Variants in FGF12 observed in about 807,000 individuals in gnomAD.
FGF12 encodes the protein fibroblast growth factor 12.
Under a neutral mutation model 23.6 loss-of-function variants are expected in FGF12, and 14 were observed. The observed-to-expected ratio is 0.59, with a 90% CI of 0.39 to 0.93. The LOEUF (loss-of-function observed/expected upper bound fraction) is 0.93. Ranked by LOEUF, FGF12 falls within the 40% of genes least tolerant of loss-of-function variation. The pLI is 0.00. For missense variants in FGF12, 175 were observed against 217.8 expected, an observed-to-expected ratio of 0.80 and a Z score of 1.24; for synonymous variants, 62 against 77.3, an observed-to-expected ratio of 0.80 and a Z score of 1.04.
At chr3:192,234,303 C>T (rs1342877459) in intron 4 of FGF12, among the ~76,000 whole-genome samples, 2 of 152,022 alleles carry the variant, frequency 1.3e-5, no homozygotes, top group East Asian at 3.9e-4. Flanking sequence ...TACTTGATTC[C>T]TTTTGTGGCT....
chr3:192,683,235 T>G (rs902038877), intron 2 of FGF12, among the ~76,000 whole-genome samples: 2 of 152,186 alleles, frequency 1.3e-5, no homozygotes, highest in Admixed American at 1.3e-4. Flanking sequence ...AGTGCAATCT[T>G]GTTGGGGATT....
chr3:192,205,978 C>T (rs1717630145), intron 4 of FGF12, among the ~76,000 whole-genome samples: 2 of 152,178 alleles, frequency 1.3e-5, no homozygotes, highest in African/African-American at 4.8e-5. Context: ...ATCAGAGACA[C>T]AGCTCCTTCT....
intron 2 of FGF12, among the ~76,000 whole-genome samples, chr3:192,503,573 T>C (rs969691123): frequency 1.8e-5 from 1 of 56,790 alleles, no homozygotes; most frequent in Non-Finnish European, 4.4e-5. Flanking sequence ...GTTTTTGTTT[T>C]GGTTTTTTTT....
intron 2 of FGF12, among the ~76,000 whole-genome samples, chr3:192,446,892 C>T (rs980794452): frequency 5.3e-5 from 8 of 152,202 alleles, no homozygotes; most frequent in East Asian, 1.9e-4. Flanking sequence ...CCTAATCCTT[C>T]GTTCTCACTC....
intron 4 of FGF12, among the ~76,000 whole-genome samples, chr3:192,227,727 G>C (rs901373443): frequency 1.3e-5 from 2 of 151,950 alleles, no homozygotes; most frequent in Admixed American, 1.3e-4. Flanking sequence ...CACTCCCAAC[G>C]AACCATCATT....
At chr3:192,158,919 A>C (rs1265225104) in intron 5 of FGF12, among the ~76,000 whole-genome samples, 1 of 151,918 alleles carries the variant, frequency 6.6e-6, no homozygotes, top group Non-Finnish European at 1.5e-5. Flanking sequence ...CTAGAGCGCC[A>C]TGGTGCACTC....
At chr3:192,710,988 G>T (rs1404672972) in intron 2 of FGF12, among the ~76,000 whole-genome samples, 1 of 152,130 alleles carries the variant, frequency 6.6e-6, no homozygotes. Context: ...ACAGTGAAAA[G>T]CCCACCAACA....
intron 2 of FGF12, among the ~76,000 whole-genome samples, chr3:192,588,492 T>C (rs1284559022): frequency 1.3e-4 from 20 of 151,656 alleles, no homozygotes; most frequent in Admixed American, 1.3e-3. Flanking sequence ...ATTCAGCATC[T>C]GGATAAAAAA....
At chr3:192,647,712 C>CATATAT (rs113508070) in intron 2 of FGF12, among the ~76,000 whole-genome samples, 128 of 142,932 alleles carry the variant, frequency 9.0e-4, no homozygotes, top group African/African-American at 3.2e-3. Flanking sequence ...TGTATATATA[C>CATATAT]ATATATATAT....
At chr3:192,214,960 A>G (rs1255884561) in intron 4 of FGF12, among the ~76,000 whole-genome samples, 3 of 152,230 alleles carry the variant, frequency 2.0e-5, no homozygotes, top group South Asian at 4.1e-4. Flanking sequence ...GAACTGCTGG[A>G]AGAAATTCTT....
intron 2 of FGF12, among the ~76,000 whole-genome samples, chr3:192,497,210 T>C (rs1032770582): frequency 2.0e-5 from 3 of 152,324 alleles, no homozygotes; most frequent in African/African-American, 7.2e-5. Flanking sequence ...GGTGTCACTC[T>C]TCACCTCGTT....
intron 2 of FGF12, among the ~76,000 whole-genome samples, chr3:192,509,619 A>T (rs1293904166): frequency 6.6e-6 from 1 of 152,232 alleles, no homozygotes; most frequent in Non-Finnish European, 1.5e-5. Context: ...TTCTTGGAAA[A>T]CATCAGTGGG....
chr3:192,387,296 A>C (rs1036641149), intron 2 of FGF12, among the ~76,000 whole-genome samples: 2 of 152,180 alleles, frequency 1.3e-5, no homozygotes, highest in African/African-American at 4.8e-5. Context: ...CACAGAATAG[A>C]TGTGACAAGG....
intron 2 of FGF12, among the ~76,000 whole-genome samples, chr3:192,667,828 TCATG>T (rs1716950981): frequency 3.9e-5 from 6 of 151,968 alleles, no homozygotes; most frequent in Non-Finnish European, 8.8e-5. Flanking sequence ...ATTTTGAACA[TCATG>T]TTATGTTGTT....
intron 2 of FGF12, among the ~76,000 whole-genome samples, chr3:192,470,638 C>T (rs1723144292): frequency 6.6e-6 from 1 of 152,194 alleles, no homozygotes; most frequent in African/African-American, 2.4e-5. Flanking sequence ...ATCCTCCTGC[C>T]TCGGCCTCCT....
At chr3:192,631,083 C>T (rs111779200) in intron 2 of FGF12, among the ~76,000 whole-genome samples, 3 of 152,254 alleles carry the variant, frequency 2.0e-5, no homozygotes, top group African/African-American at 7.2e-5. Context: ...CAGCTTATTC[C>T]TTATCTCTTT....
chr3:192,149,950 A>C lies in FGF12; in HGVS notation c.428-5823T>G, dbSNP rs1158947111. The stretch of plus-strand genomic sequence containing the variant: ...CCACCAACAGTGTAAAAGTGTTCCT[A>C]TTTCTCCACGTCCTCTCCAGCACCT... On this transcript the variant is annotated intron_variant, in intron 5 of 5. Transcript: ENST00000445105. Among the ~76,000 whole-genome samples the C allele has an allele frequency of 2.6e-5, 3 of 116,948 alleles. 1 individual carries two copies. Among genetic ancestry groups the C allele is most frequent in the Non-Finnish European group, 5.5e-5 (3 of 54,230 alleles). 76.7% of individuals were successfully genotyped at this position (116,948 alleles called of 152,430 possible). A position where few individuals can be genotyped will look rare whatever the true frequency, so the allele number is the denominator to read the frequency against.
At chr3:192,375,057 C>T (rs753716852) in intron 2 of FGF12, among the ~76,000 whole-genome samples, 2 of 152,136 alleles carry the variant, frequency 1.3e-5, no homozygotes, top group Non-Finnish European at 2.9e-5. Context: ...ACAAAAAGTA[C>T]CTACTGCCCT....
At chr3:192,721,855 T>G (rs960092358) in intron 2 of FGF12, among the ~76,000 whole-genome samples, 10 of 152,164 alleles carry the variant, frequency 6.6e-5, no homozygotes, top group African/African-American at 2.4e-4. Flanking sequence ...AAGGCAGGAA[T>G]TATTGCTGTG....
Sources: gnomAD v4.1 joint callset for allele counts (sites outside exome capture counted in the v4.1 genomes callset) on GRCh38, gnomAD v4.1.1 for gene constraint, MANE v1.5 for transcripts, NCBI Gene and HGNC (gene_info 2026-07-23, HGNC 2026-07-21) for gene names.